DDX10: variants seen among roughly 807,000 people sequenced by gnomAD.
The protein encoded by DDX10 is probable ATP-dependent RNA helicase DDX10.
Under a neutral mutation model 104.3 loss-of-function variants are expected in DDX10, and 74 were observed. The ratio of observed to expected loss-of-function variants is 0.71; its 90% CI spans 0.59 to 0.86. The LOEUF is 0.86. DDX10 is among the 40% of genes least tolerant of loss of function. The pLI is 0.00. For missense variants in DDX10, 952 were observed against 1,040.0 expected, an observed-to-expected ratio of 0.92 and a Z score of 1.16; for synonymous variants, 351 against 353.4, an observed-to-expected ratio of 0.99 and a Z score of 0.08.
chr11:108,680,940 G>A (rs1412370084), intron 6 of DDX10, among the ~76,000 whole-genome samples: 1 of 152,108 alleles, frequency 6.6e-6, no homozygotes, highest in African/African-American at 2.4e-5. Flanking sequence ...AGATATGTGA[G>A]GTATAGTTTT....
intron 5 of DDX10, among the ~76,000 whole-genome samples, chr11:108,678,638 C>T (rs557858741): frequency 1.2e-4 from 19 of 152,088 alleles, no homozygotes; most frequent in East Asian, 3.9e-4. Context: ...AATGTATGTA[C>T]GCTTATATGT....
intron 9 of DDX10, among the ~76,000 whole-genome samples, chr11:108,705,952 AT>A (rs1332821791): frequency 6.6e-6 from 1 of 152,034 alleles, no homozygotes; most frequent in African/African-American, 2.4e-5. Flanking sequence ...GGAGGCAAGC[AT>A]TTTACTTGAA....
chr11:108,903,830 G>A (rs1345311747), intron 16 of DDX10, among the ~76,000 whole-genome samples: 1 of 152,082 alleles, frequency 6.6e-6, no homozygotes, highest in African/African-American at 2.4e-5. Context: ...CCATTTATAG[G>A]ACATTTATGT....
rs540458229 is a variant in DDX10, at chr11:108,859,771, A to G, written c.2304+7562A>G. On this transcript the variant is annotated intron_variant, in intron 16 of 17. Coordinates refer to ENST00000322536, the MANE Select transcript of DDX10 (RefSeq NM_004398.4). ...GAGTCTGTGTTATTCCAGTGGTTACATGCTCTACTTTGTAGAGAACTGTGC... is the reference window on the plus strand; with the variant it reads ...GAGTCTGTGTTATTCCAGTGGTTACGTGCTCTACTTTGTAGAGAACTGTGC... Among the ~76,000 whole-genome samples, 10 of 152,316 alleles carry G rather than the reference A, an allele frequency of 6.6e-5. No homozygotes were observed. The South Asian group carries it at 2.1e-3, about 32-fold the overall frequency.
intron 7 of DDX10, among the ~76,000 whole-genome samples, chr11:108,691,312 C>T (rs774077991): frequency 3.3e-5 from 5 of 152,082 alleles, no homozygotes; most frequent in Non-Finnish European, 7.4e-5. Flanking sequence ...AGATTTTAAC[C>T]CCCATATTAG....
chr11:108,871,524 C>T (rs1347431333), intron 16 of DDX10, among the ~76,000 whole-genome samples: 1 of 152,190 alleles, frequency 6.6e-6, no homozygotes, highest in Non-Finnish European at 1.5e-5. Context: ...ATATCTTTTC[C>T]TTCCACTGCT....
intron 13 of DDX10, among the ~76,000 whole-genome samples, chr11:108,801,169 G>GT (rs1262494098): frequency 6.6e-6 from 1 of 152,126 alleles, no homozygotes; most frequent in Non-Finnish European, 1.5e-5. Flanking sequence ...GATTGTTTCA[G>GT]TTTTGTCAAG....
At chr11:108,767,821 A>C (rs1271552212) in intron 13 of DDX10, 2 of 152,172 alleles carry the variant, frequency 1.3e-5, no homozygotes, top group Non-Finnish European at 2.9e-5. Flanking sequence ...TTGTTTTTCA[A>C]TAAAAGTAAC....
chr11:108,814,078 AT>A (rs1182363500), intron 13 of DDX10, among the ~76,000 whole-genome samples: 1 of 151,998 alleles, frequency 6.6e-6, no homozygotes, highest in East Asian at 1.9e-4. Context: ...TTATTCTGGA[AT>A]TTTTTTGTCT....
intron 16 of DDX10, among the ~76,000 whole-genome samples, chr11:108,871,593 C>T (rs768600460): frequency 2.0e-5 from 3 of 152,138 alleles, no homozygotes; most frequent in Non-Finnish European, 4.4e-5. Context: ...TTGCCCACAC[C>T]CCAACTCCAT....
chr11:108,808,142 C>A (rs1040782801), intron 13 of DDX10, among the ~76,000 whole-genome samples: 2 of 152,020 alleles, frequency 1.3e-5, no homozygotes, highest in Admixed American at 1.3e-4. Flanking sequence ...TTTTACAAAA[C>A]GCTTAGTTAA....
chr11:108,926,309 T>C (rs1863907799), intron 17 of DDX10, among the ~76,000 whole-genome samples: 2 of 10,554 alleles, frequency 1.9e-4, no homozygotes, highest in South Asian at 0.25. Context: ...TGCAGTTAAC[T>C]GGATGATTTA....
rs143913148 is a variant in DDX10, at chr11:108,841,424, A to T, written c.2195A>T (p.Glu732Val). 4.3e-6 allele frequency: 7 copies of T among 1,613,904 alleles called. No individual in the cohort carries two copies. Among genetic ancestry groups the T allele is most frequent in the Non-Finnish European group, 5.1e-6 (6 of 1,179,918 alleles). The change falls in exon 15 of 18, where the codon GAG becomes GTG. Residue 732 changes from glutamate (E) to valine (V), a missense_variant. Coordinates refer to ENST00000322536, the MANE Select transcript of DDX10 (RefSeq NM_004398.4). ...AAAGCAAAGGAAAGACTTCAGGAAGAGGACAAATTTGACAAAGAAGAATAT... is the reference window on the plus strand; with the variant it reads ...AAAGCAAAGGAAAGACTTCAGGAAGTGGACAAATTTGACAAAGAAGAATAT... ...LHKAKERLQE[E>V]DKFDKEEYRK... is the part of the protein sequence containing the mutation.
chr11:108,696,868 A>G (rs2094260609), intron 9 of DDX10, among the ~76,000 whole-genome samples: 1 of 152,162 alleles, frequency 6.6e-6, no homozygotes, highest in Non-Finnish European at 1.5e-5. Flanking sequence ...AATTCTCCCT[A>G]TATGAAGATT....
At chr11:108,876,593 C>T (rs1470905362) in intron 16 of DDX10, among the ~76,000 whole-genome samples, 6 of 152,136 alleles carry the variant, frequency 3.9e-5, no homozygotes, top group Non-Finnish European at 5.9e-5. Context: ...GTTCTGTGAT[C>T]TTGAACAAGT....
intron 6 of DDX10, among the ~76,000 whole-genome samples, chr11:108,680,819 T>C (rs767685329): frequency 5.9e-5 from 9 of 152,208 alleles, no homozygotes; most frequent in Admixed American, 6.5e-5. Context: ...AATGTATGTC[T>C]AGGATTTAAA....
intron 13 of DDX10, among the ~76,000 whole-genome samples, chr11:108,758,842 C>A (rs1056902194): frequency 3.9e-5 from 6 of 152,142 alleles, no homozygotes; most frequent in African/African-American, 1.4e-4. Flanking sequence ...TTCGTTTTTG[C>A]CATGTAACTA....
chr11:108,848,272 C>T (rs1346226385), intron 15 of DDX10, among the ~76,000 whole-genome samples: 1 of 152,060 alleles, frequency 6.6e-6, no homozygotes. Flanking sequence ...TCCATTTTTC[C>T]ATAGCTATGG....
intron 16 of DDX10, among the ~76,000 whole-genome samples, chr11:108,864,229 G>A (rs954551311): frequency 2.6e-5 from 4 of 152,172 alleles, no homozygotes; most frequent in East Asian, 1.9e-4. Context: ...TGGTTCAATC[G>A]CGGCTGGAAA....
Sources: gnomAD v4.1 joint callset for allele counts (sites outside exome capture counted in the v4.1 genomes callset) on GRCh38, gnomAD v4.1.1 for gene constraint, MANE v1.5 for transcripts, NCBI Gene and HGNC (gene_info 2026-07-23, HGNC 2026-07-21) for gene names.